The following MYSM1 variants were observed in gnomAD, a reference collection of about 807,000 sequenced individuals.
The protein encoded by MYSM1 is Myb like, SWIRM and MPN domains 1.
MYSM1 carries 51 observed loss-of-function variants against 116.0 expected under a neutral mutation model. That is an observed-to-expected ratio of 0.44 (90% confidence interval 0.35 to 0.56). The LOEUF (loss-of-function observed/expected upper bound fraction) is 0.56. MYSM1 is among the 20% of genes least tolerant of loss of function. The pLI is 0.00. For missense variants in MYSM1, 900 were observed against 974.9 expected, an observed-to-expected ratio of 0.92 and a Z score of 1.02; for synonymous variants, 313 against 315.2, an observed-to-expected ratio of 0.99 and a Z score of 0.07.
At chr1:58,666,537 G>T (rs1437547588) in intron 16 of MYSM1, among the ~76,000 whole-genome samples, 2 of 144,604 alleles carry the variant, frequency 1.4e-5, no homozygotes, top group African/African-American at 2.6e-5. Flanking sequence ...AAAAAAAAAT[G>T]CATGTTCTTT....
intron 3 of MYSM1, among the ~76,000 whole-genome samples, chr1:58,691,538 A>G (rs1200324142): frequency 1.3e-5 from 2 of 152,092 alleles, no homozygotes; most frequent in Non-Finnish European, 2.9e-5. Flanking sequence ...TGGAAACACT[A>G]TTTGCATGAA....
chr1:58,698,466 C>A (rs368313976), intron 1 of MYSM1, among the ~76,000 whole-genome samples: 1 of 151,898 alleles, frequency 6.6e-6, no homozygotes, highest in Non-Finnish European at 1.5e-5. Context: ...TCATCAGGAA[C>A]CAATAACCTT....
intron 1 of MYSM1, among the ~76,000 whole-genome samples, chr1:58,697,705 T>G (rs1431001671): frequency 2.6e-5 from 4 of 151,558 alleles, no homozygotes; most frequent in Admixed American, 2.6e-4. Flanking sequence ...TTCTCCTGCC[T>G]CAGCCTCCCT....
chr1:58,687,441 T>C (rs17118110), intron 6 of MYSM1, among the ~76,000 whole-genome samples: 2 of 152,126 alleles, frequency 1.3e-5, no homozygotes, highest in African/African-American at 4.8e-5. Flanking sequence ...TCCCCATAAG[T>C]ACCACCAACA....
At chr1:58,698,084 C>T (rs1290735774) in intron 1 of MYSM1, among the ~76,000 whole-genome samples, 2 of 31,410 alleles carry the variant, frequency 6.4e-5, no homozygotes, top group African/African-American at 2.5e-4. Flanking sequence ...ATTTATCAGA[C>T]TATATATATA....
At chr1:58,668,226 C>A (rs1316144312) in intron 14 of MYSM1, among the ~76,000 whole-genome samples, 1 of 152,116 alleles carries the variant, frequency 6.6e-6, no homozygotes. Flanking sequence ...TGTAAGGATA[C>A]AAAGTAAAAA....
intron 2 of MYSM1, 89 bp from the exon 3 acceptor site, chr1:58,693,020 G>C (rs1644924210): frequency 9.9e-7 from 1 of 1,009,320 alleles, no homozygotes; most frequent in East Asian, 2.5e-5. Flanking sequence ...ATGTTATAAT[G>C]ATTATAAATG....
chr1:58,667,079 T>C lies in MYSM1; in HGVS notation c.1990A>G (p.Asn664Asp), dbSNP rs1644485581. 3 of 1,612,882 alleles carry C rather than the reference T, an allele frequency of 1.9e-6. No individual in the cohort carries two copies. The highest frequency in any genetic ancestry group is 2.5e-6 in the Non-Finnish European group (3 of 1,179,348). Residue 664 changes from asparagine to aspartate, a missense_variant, in exon 16 of 20, where the codon AAT (asparagine) becomes GAT (aspartate). By Grantham distance (23) the Asn-to-Asp change is conservative. Transcript: ENST00000472487. ...WYHSHPAFDP[N>D]PSLRDIDTQA... Reference sequence around the variant, plus strand: ...GTGTCAATATCTCGTAAGGAAGGATTAGGATCAAAAGCAGGATGAGAATGA... The same window carrying C: ...GTGTCAATATCTCGTAAGGAAGGATCAGGATCAAAAGCAGGATGAGAATGA...
At chr1:58,692,452 T>TA (rs1173305451) in intron 3 of MYSM1, 2 of 154,370 alleles carry the variant, frequency 1.3e-5, no homozygotes, top group Non-Finnish European at 2.9e-5. Context: ...TCCTCCCACG[T>TA]AACACCTGTA....
At chr1:58,681,231 T>C (rs1644737620) in intron 8 of MYSM1, among the ~76,000 whole-genome samples, 1 of 152,224 alleles carries the variant, frequency 6.6e-6, no homozygotes, top group South Asian at 2.1e-4. Context: ...CTAAGCTTCA[T>C]TAAATAATTC....
chr1:58,663,134 G>A (rs1272401775), intron 17 of MYSM1, among the ~76,000 whole-genome samples: 1 of 152,018 alleles, frequency 6.6e-6, no homozygotes, highest in African/African-American at 2.4e-5. Context: ...GTCAGAGCTG[G>A]GATCTGAATC....
intron 8 of MYSM1, among the ~76,000 whole-genome samples, chr1:58,677,872 CACTT>C (rs778275330): frequency 7.2e-5 from 11 of 152,000 alleles, no homozygotes; most frequent in Non-Finnish European, 1.3e-4. Flanking sequence ...CAGAGTAAAG[CACTT>C]ACTTAAGGAA....
chr1:58,671,337 CA>C (rs1365681080), intron 12 of MYSM1, among the ~76,000 whole-genome samples: 1 of 152,076 alleles, frequency 6.6e-6, no homozygotes, highest in African/African-American at 2.4e-5. Context: ...GGACATTTAT[CA>C]GGCAAAAATA....
chr1:58,666,243 C>T (rs576191796), intron 16 of MYSM1, among the ~76,000 whole-genome samples: 40 of 152,318 alleles, frequency 2.6e-4, no homozygotes, highest in African/African-American at 9.1e-4. Flanking sequence ...CACCACCCTA[C>T]ATCTGTAATT....
chr1:58,698,098 A>ATTTTTTTTTT (rs1386142383), intron 1 of MYSM1, among the ~76,000 whole-genome samples: 6 of 30,232 alleles, frequency 2.0e-4, no homozygotes, highest in African/African-American at 6.5e-4. Flanking sequence ...ATATATATAT[A>ATTTTTTTTTT]TATATTTTTT....
At chr1:58,685,586 C>T (rs1212205530) in intron 6 of MYSM1, among the ~76,000 whole-genome samples, 1 of 152,108 alleles carries the variant, frequency 6.6e-6, no homozygotes, top group African/African-American at 2.4e-5. Flanking sequence ...TAAATAAGTG[C>T]CTGAAAGGGG....
intron 6 of MYSM1, among the ~76,000 whole-genome samples, chr1:58,687,346 C>T (rs574450839): frequency 1.1e-4 from 17 of 152,088 alleles, no homozygotes; most frequent in Admixed American, 2.0e-4. Context: ...CCGGGCGAAG[C>T]GAACTGAAGG....
chr1:58,671,063 T>C (rs546750158), intron 12 of MYSM1, among the ~76,000 whole-genome samples: 32 of 152,314 alleles, frequency 2.1e-4, no homozygotes, highest in Admixed American at 8.5e-4. Flanking sequence ...AGGTAATATA[T>C]ACTGTAATGA....
At chr1:58,688,482 T>C (rs1399043960) in intron 6 of MYSM1, among the ~76,000 whole-genome samples, 1 of 151,762 alleles carries the variant, frequency 6.6e-6, no homozygotes, top group Non-Finnish European at 1.5e-5. Flanking sequence ...ATTTTCAGAA[T>C]TAGAAACCAG....
Sources: allele counts gnomAD v4.1 joint callset (sites outside exome capture counted in the v4.1 genomes callset), GRCh38; gene constraint gnomAD v4.1.1; transcripts MANE v1.5; gene names NCBI Gene and HGNC (gene_info 2026-07-23, HGNC 2026-07-21).